The following FAM227A variants were observed in gnomAD, a reference collection of about 807,000 sequenced individuals.
The protein encoded by FAM227A is family with sequence similarity 227 member A, also known as protein FAM227A.
A neutral mutation model predicts 74.7 loss-of-function variants in FAM227A; 80 were observed. That is an observed-to-expected ratio of 1.07 (90% confidence interval 0.89 to 1.29). The LOEUF is 1.29. Among genes scored for constraint, FAM227A ranks in the 50% most tolerant of loss-of-function variants. The pLI is 0.00. For synonymous variants in FAM227A, 237 were observed against 241.8 expected, an observed-to-expected ratio of 0.98 and a Z score of 0.19; for missense variants, 654 against 683.4, an observed-to-expected ratio of 0.96 and a Z score of 0.48.
At chr22:38,593,881 G>A (rs1028139246) in intron 15 of FAM227A, among the ~76,000 whole-genome samples, 8 of 151,820 alleles carry the variant, frequency 5.3e-5, no homozygotes, top group African/African-American at 1.2e-4. Context: ...TAGTAGAGAC[G>A]GGGTTTCACC....
Position 38,636,671 on chromosome 22 carries a change from C to T in FAM227A, c.373-74G>A, listed in dbSNP as rs117153867. On this transcript the variant is annotated intron_variant, in intron 5 of 16. Transcript: ENST00000535113. The stretch of plus-strand genomic sequence containing the variant: ...GTGAAACAATAGGCTAGCTTCCCCT[C>T]TTTATTATGAAGACAATATAACAAC... The T allele has an allele frequency of 1.2e-4, 156 of 1,338,086 alleles. 1 individual carries two copies. The East Asian group carries it at 3.2e-3, about 28-fold the overall frequency. 82.9% of individuals were successfully genotyped at this position (1,338,086 alleles called of 1,614,324 possible). A position where few individuals can be genotyped will look rare whatever the true frequency, so the allele number is the denominator to read the frequency against.
rs1248460756 is a variant in FAM227A, at chr22:38,581,687, C to A, written c.*4438G>T. 1.3e-5 allele frequency: 2 copies of A among 152,036 alleles called. No individual in the cohort carries two copies. The highest frequency in any genetic ancestry group is 1.3e-4 in the Admixed American group (2 of 15,254). The allele number at this position is 152,036 out of a possible 1,614,324, so 9.4% of individuals were successfully genotyped here. On this transcript the variant is annotated 3_prime_UTR_variant, in exon 17 of 17. Coordinates refer to ENST00000535113, the MANE Select transcript of FAM227A (RefSeq NM_001013647.2). ...CTACTGGTCTCAGGCAATCCACCCG[C>A]CTCGGCCTCCCAAAGTGCTGAGATT...
Position 38,636,552 on chromosome 22 carries a change from T to C in FAM227A, c.418A>G (p.Asn140Asp). Residue 140 changes from asparagine (N) to aspartate (D), a missense_variant, in exon 6 of 17, where the codon AAC (asparagine) becomes GAC (aspartate). Physicochemically the swap from Asn to Asp is conservative, Grantham distance 23. Transcript: ENST00000535113. ...TTGTTTGGCTTGGAGCTGTTGAAGTTGGAATACTGGTACAGCTCTGCCAGC... is the reference window on the plus strand; with the variant it reads ...TTGTTTGGCTTGGAGCTGTTGAAGTCGGAATACTGGTACAGCTCTGCCAGC... ...NLLAELYQYS[N>D]FNSSKPNKLP... 3 of 1,551,716 alleles carry C rather than the reference T, an allele frequency of 1.9e-6. No individual in the cohort carries two copies.
chr22:38,630,771 A>G lies in FAM227A; in HGVS notation c.520-1836T>C, dbSNP rs145591679. 8.5e-5 allele frequency among the ~76,000 whole-genome samples: 13 copies of G among 152,320 alleles called. No individual in the cohort carries two copies. In the East Asian group the frequency reaches 1.4e-3, roughly 16 times the overall value. ...GTTTCACAGATAAAGAGACATTTAC[A>G]ACAGTGTGATAGGATCCCCGGGACA... On this transcript the variant is annotated intron_variant, in intron 6 of 16. Coordinates refer to ENST00000535113, the MANE Select transcript of FAM227A (RefSeq NM_001013647.2).
intron 11 of FAM227A, among the ~76,000 whole-genome samples, chr22:38,610,165 C>G (rs1001487266): frequency 6.6e-6 from 1 of 151,988 alleles, no homozygotes; most frequent in Admixed American, 6.6e-5. Context: ...AGGCATGTAC[C>G]ACCACACCTG....
At chr22:38,649,164 T>G (rs768382259) in intron 2 of FAM227A, among the ~76,000 whole-genome samples, 11 of 152,192 alleles carry the variant, frequency 7.2e-5, no homozygotes, top group Non-Finnish European at 1.2e-4. Context: ...TTCCAGAGCT[T>G]CTTCCTTTGG....
chr22:38,617,580 C>T (rs971558105), intron 11 of FAM227A, among the ~76,000 whole-genome samples: 1 of 152,182 alleles, frequency 6.6e-6, no homozygotes, highest in Non-Finnish European at 1.5e-5. Flanking sequence ...CAGGCGTGAG[C>T]CTCCACACCC....
At chr22:38,621,646 T>C (rs890440000) in intron 10 of FAM227A, among the ~76,000 whole-genome samples, 1 of 152,060 alleles carries the variant, frequency 6.6e-6, no homozygotes, top group Non-Finnish European at 1.5e-5. Flanking sequence ...AGCTTATAAT[T>C]TCCAGCTAAT....
chr22:38,636,668 C>T (rs1410855538), intron 5 of FAM227A, 71 bp from the exon 6 acceptor site: 4 of 1,366,004 alleles, frequency 2.9e-6, no homozygotes, highest in African/African-American at 2.9e-5. Flanking sequence ...GCTAGCTTCC[C>T]CTCTTTATTA....
At chr22:38,609,520 T>C (rs2091365362) in intron 11 of FAM227A, among the ~76,000 whole-genome samples, 1 of 152,058 alleles carries the variant, frequency 6.6e-6, no homozygotes, top group Admixed American at 6.6e-5. Context: ...TCTTTTAGGA[T>C]GAGTAGGAGG....
At chr22:38,613,370 A>AAT (rs1555960248) in intron 11 of FAM227A, among the ~76,000 whole-genome samples, 1 of 3,060 alleles carries the variant, frequency 3.3e-4, no homozygotes, top group Non-Finnish European at 5.7e-4. Context: ...TATCATATAT[A>AAT]ATATATAACA....
intron 11 of FAM227A, among the ~76,000 whole-genome samples, chr22:38,619,790 G>A (rs756808077): frequency 2.0e-5 from 3 of 152,140 alleles, no homozygotes; most frequent in African/African-American, 4.8e-5. Context: ...CTAGGGTGGT[G>A]GGAGTGGAAA....
chr22:38,625,642 T>C (rs1281893956), intron 9 of FAM227A, among the ~76,000 whole-genome samples: 1 of 151,770 alleles, frequency 6.6e-6, no homozygotes, highest in African/African-American at 2.4e-5. Context: ...TAGATGTAGC[T>C]GAACACAAAA....
intron 1 of FAM227A, among the ~76,000 whole-genome samples, chr22:38,653,493 C>T (rs934809495): frequency 1.3e-5 from 2 of 151,526 alleles, no homozygotes; most frequent in East Asian, 3.9e-4. Flanking sequence ...TCTCCTGCCT[C>T]GGCCTCTCAA....
chr22:38,628,938 T>A lies in FAM227A; in HGVS notation c.520-3A>T. The A allele has an allele frequency of 6.8e-7, 1 of 1,465,448 alleles. No individual in the cohort carries two copies. The allele number at this position is 1,465,448 out of a possible 1,614,324, so 90.8% of individuals were successfully genotyped here. A position where few individuals can be genotyped will look rare whatever the true frequency, so the allele number is the denominator to read the frequency against. On this transcript the variant is annotated splice_polypyrimidine_tract_variant and splice_region_variant and intron_variant, in intron 6 of 16. Transcript: ENST00000535113. ...AATTCTCTACCTGAACAGAAATGCT[T>A]GGAAAAAAAAATTCACAGTATTATT...
In FAM227A at chr22:38,654,401, T is replaced by C. The variant is rs1017074785; in HGVS notation, c.-95+1719A>G. ...ATAATATGCCATCCAAAATGTACCA[T>C]CCAAGCAGCGGGAAGTGAGGCTGGA... is the stretch of plus-strand genomic sequence containing the variant. On this transcript the variant is annotated intron_variant, in intron 1 of 16. Transcript: ENST00000535113. 7.9e-5 allele frequency among the ~76,000 whole-genome samples: 12 copies of C among 151,342 alleles called. 1 individual carries two copies. The highest frequency in any genetic ancestry group is 6.6e-4 in the Admixed American group (10 of 15,148).
chr22:38,652,774 G>A (rs1015893758), intron 1 of FAM227A, among the ~76,000 whole-genome samples: 2 of 150,598 alleles, frequency 1.3e-5, no homozygotes, highest in African/African-American at 2.4e-5. Flanking sequence ...CTACCAGGGA[G>A]GCTGAGGCAG....
rs2090681134 is a variant in FAM227A at position 38,578,601 on chromosome 22, G to A, written c.*7524C>T. ...CTCAAGGAGCCATGAGTCTAGTAGA[G>A]AAGACAATGCAGAAAGAGATAATCA... On this transcript the variant is annotated 3_prime_UTR_variant, in exon 17 of 17. Transcript: ENST00000535113. The A allele has an allele frequency of 2.6e-5, 4 of 152,166 alleles. No individual in the cohort carries two copies. Among genetic ancestry groups the A allele is most frequent in the Admixed American group, 1.3e-4 (2 of 15,262 alleles). 9.4% of individuals were successfully genotyped at this position (152,166 alleles called of 1,614,324 possible). A position where few individuals can be genotyped will look rare whatever the true frequency, so the allele number is the denominator to read the frequency against.
intron 13 of FAM227A, among the ~76,000 whole-genome samples, chr22:38,603,501 A>AT (rs1234088500): frequency 3.0e-4 from 46 of 151,958 alleles, no homozygotes; most frequent in African/African-American, 9.9e-4. Context: ...AAAAAAAAAA[A>AT]AAATTATTTG....
Sources: gnomAD v4.1 joint callset for allele counts (sites outside exome capture counted in the v4.1 genomes callset) on GRCh38, gnomAD v4.1.1 for gene constraint, MANE v1.5 for transcripts, NCBI Gene and HGNC (gene_info 2026-07-23, HGNC 2026-07-21) for gene names.